The following GPR176 variants were observed in gnomAD, a reference collection of about 807,000 sequenced individuals.
GPR176 encodes G protein-coupled receptor 176, also known as G-protein coupled receptor 176.
Under a neutral mutation model 35.4 loss-of-function variants are expected in GPR176, and 26 were observed. That is an observed-to-expected ratio of 0.74 (90% CI 0.54 to 1.02). The LOEUF (loss-of-function observed/expected upper bound fraction) is 1.02. GPR176 is among the 50% of genes least tolerant of loss of function. The pLI is 0.00. For synonymous variants in GPR176, 278 were observed against 271.3 expected, an observed-to-expected ratio of 1.02 and a Z score of -0.24; for missense variants, 597 against 665.3, an observed-to-expected ratio of 0.90 and a Z score of 1.13.
intron 1 of GPR176, among the ~76,000 whole-genome samples, chr15:39,869,532 C>T (rs924071817): frequency 6.6e-6 from 1 of 152,208 alleles, no homozygotes; most frequent in African/African-American, 2.4e-5. Context: ...AAGCTGTTTA[C>T]AGAGCACATC....
chr15:39,801,743 G>C lies in GPR176; in HGVS notation c.937C>G (p.Leu313Val). 6.2e-7 allele frequency: 1 copy of C among 1,613,872 alleles called. No individual in the cohort carries two copies. Among genetic ancestry groups the C allele is most frequent in the Non-Finnish European group, 8.5e-7 (1 of 1,179,860 alleles). ...AGAAAGAGAACAGGGTTTGCCAGCA[G>C]GGAGACTTTGGGCAGCCAAACAGCA... Reference protein sequence around the residue: ...LTAVWLPKVSLLANPVLFLTV... With the variant: ...LTAVWLPKVSVLANPVLFLTV... The change falls in exon 3 of 3, where the codon CTG becomes GTG. Residue 313 changes from leucine to valine, a missense_variant. Transcript: ENST00000561100.
intron 1 of GPR176, among the ~76,000 whole-genome samples, chr15:39,878,712 A>G (rs769870693): frequency 3.0e-4 from 46 of 152,136 alleles, no homozygotes; most frequent in Admixed American, 7.2e-4. Context: ...ACCCTTTTCC[A>G]TATGGTTGTT....
chr15:39,908,108 C>T (rs2033474068), intron 1 of GPR176, among the ~76,000 whole-genome samples: 1 of 152,224 alleles, frequency 6.6e-6, no homozygotes, highest in Non-Finnish European at 1.5e-5. Flanking sequence ...AAAATCTCCC[C>T]TGGACCTCTG....
intron 1 of GPR176, among the ~76,000 whole-genome samples, chr15:39,809,072 T>C (rs1899371288): frequency 6.6e-6 from 1 of 152,210 alleles, no homozygotes; most frequent in Non-Finnish European, 1.5e-5. Context: ...TTTATTAGCA[T>C]TTACATGCTC....
At chr15:39,876,722 C>T (rs1197760370) in intron 1 of GPR176, among the ~76,000 whole-genome samples, 1 of 151,866 alleles carries the variant, frequency 6.6e-6, no homozygotes, top group Non-Finnish European at 1.5e-5. Context: ...GTAGTCCCAG[C>T]CACTTGGGAG....
intron 1 of GPR176, chr15:39,909,926 A>C: frequency 4.1e-6 from 4 of 967,814 alleles, no homozygotes; most frequent in Non-Finnish European, 4.9e-6. Context: ...ACTCCCTTGC[A>C]ATCCATTTTC....
intron 2 of GPR176, among the ~76,000 whole-genome samples, chr15:39,805,411 G>GA (rs567549075): frequency 1.2e-4 from 18 of 144,610 alleles, no homozygotes; most frequent in South Asian, 6.6e-4. Context: ...AATACTTTTT[G>GA]AAAAAAAAAA....
intron 1 of GPR176, among the ~76,000 whole-genome samples, chr15:39,912,339 A>G (rs1412748854): frequency 1.3e-5 from 2 of 152,122 alleles, no homozygotes; most frequent in Non-Finnish European, 2.9e-5. Flanking sequence ...TTTCATGGCT[A>G]GGTGAAGTGG....
chr15:39,840,644 G>T (rs1321625472), intron 1 of GPR176, among the ~76,000 whole-genome samples: 1 of 151,982 alleles, frequency 6.6e-6, no homozygotes, highest in Non-Finnish European at 1.5e-5. Flanking sequence ...TAATAAAAAA[G>T]AAGGGTAGTA....
At chr15:39,910,313 C>T (rs775271424) in intron 1 of GPR176, among the ~76,000 whole-genome samples, 145 of 152,336 alleles carry the variant, frequency 9.5e-4, no homozygotes, top group South Asian at 3.3e-3. Flanking sequence ...TTCAGCCGGG[C>T]ATGGTGGCTC....
intron 1 of GPR176, among the ~76,000 whole-genome samples, chr15:39,881,604 A>G (rs17646637): frequency 0.34 from 51,094 of 152,076 alleles, 8,809 homozygotes; most frequent in Middle Eastern, 0.46. Context: ...ACTGAGTGCA[A>G]CTGGTCCCTT....
intron 1 of GPR176, among the ~76,000 whole-genome samples, chr15:39,894,771 G>T (rs866461881): frequency 1.6e-3 from 238 of 150,654 alleles, no homozygotes; most frequent in African/African-American, 5.5e-3. Context: ...TCACATCCCA[G>T]ATGATGGGCG....
Position 39,801,038 on chromosome 15 carries a change from G to A in GPR176, c.*94C>T. 9.5e-7 allele frequency: 1 copy of A among 1,056,708 alleles called. No homozygotes were observed. The highest frequency in any genetic ancestry group is 1.5e-5 in the South Asian group (1 of 65,118). 65.5% of individuals were successfully genotyped at this position (1,056,708 alleles called of 1,614,324 possible). On this transcript the variant is annotated 3_prime_UTR_variant, in exon 3 of 3. Transcript: ENST00000561100. Reference sequence around the variant, plus strand: ...TGGAGGAATCAACTCACACTGAGTTGCAAGGAGATCATACAATCACATGGC... The same window carrying A: ...TGGAGGAATCAACTCACACTGAGTTACAAGGAGATCATACAATCACATGGC...
At chr15:39,900,180 T>C (rs990544273) in intron 1 of GPR176, among the ~76,000 whole-genome samples, 43 of 148,916 alleles carry the variant, frequency 2.9e-4, no homozygotes, top group Admixed American at 2.4e-3. Flanking sequence ...ATGATGAAGA[T>C]AAAGTGCTAA....
chr15:39,860,602 A>G (rs1054783384), intron 1 of GPR176, among the ~76,000 whole-genome samples: 1 of 152,218 alleles, frequency 6.6e-6, no homozygotes, highest in African/African-American at 2.4e-5. Flanking sequence ...GTCATCGACT[A>G]TACATCCCAT....
At position 39,801,283 on chromosome 15, in the gene GPR176, G is replaced by T. The variant is rs1200334904; in HGVS notation, c.1397C>A (p.Ser466Ter). 5 of 1,614,176 alleles carry T rather than the reference G, an allele frequency of 3.1e-6. No individual in the cohort carries two copies. Among genetic ancestry groups the T allele is most frequent in the Non-Finnish European group, 8.5e-7 (1 of 1,180,000 alleles). The change falls in exon 3 of 3, where the codon TCA becomes TAA. Residue 466 changes from serine (S) to a stop codon, truncating the protein, a stop_gained. Coordinates refer to ENST00000561100, the MANE Select transcript of GPR176 (RefSeq NM_007223.3). LOFTEE classifies it high-confidence loss of function. Reference protein sequence around the residue: ...GPFELPPQWLSETRNSKKRLL... With the variant: ...GPFELPPQWL The stretch of plus-strand genomic sequence containing the variant: ...CCGCTTCTTGCTGTTTCGGGTCTCT[G>T]AGAGCCACTGAGGAGGCAACTCAAA...
intron 1 of GPR176, among the ~76,000 whole-genome samples, chr15:39,841,188 C>T (rs1028557054): frequency 4.6e-5 from 7 of 152,136 alleles, no homozygotes; most frequent in Non-Finnish European, 1.0e-4. Flanking sequence ...ATGAATCCTG[C>T]TAGCTAGCTG....
At chr15:39,843,435 A>G (rs1175314162) in intron 1 of GPR176, among the ~76,000 whole-genome samples, 2 of 152,286 alleles carry the variant, frequency 1.3e-5, no homozygotes, top group Admixed American at 1.3e-4. Context: ...GAAAATTGCT[A>G]TCGACTGCAG....
intron 1 of GPR176, among the ~76,000 whole-genome samples, chr15:39,875,986 A>C (rs1376965684): frequency 3.3e-5 from 5 of 149,302 alleles, no homozygotes; most frequent in African/African-American, 1.2e-4. Context: ...ATTTAATTTA[A>C]ATATATATAT....
Sources: gnomAD v4.1 joint callset for allele counts (sites outside exome capture counted in the v4.1 genomes callset) on GRCh38, gnomAD v4.1.1 for gene constraint, MANE v1.5 for transcripts, NCBI Gene and HGNC (gene_info 2026-07-23, HGNC 2026-07-21) for gene names.